OTUD5: variants seen among roughly 807,000 people sequenced by gnomAD.
OTUD5 encodes the protein OTU domain-containing protein 5.
A neutral mutation model predicts 36.3 loss-of-function variants in OTUD5; 2 were observed. The ratio of observed to expected loss-of-function variants is 0.06; its 90% CI spans 0.02 to 0.17. OTUD5 has a LOEUF of 0.17. OTUD5 is among the 10% of genes least tolerant of loss of function. OTUD5 has a pLI of 1.00. For missense variants in OTUD5, 233 were observed against 512.3 expected, an observed-to-expected ratio of 0.45 and a Z score of 5.26; for synonymous variants, 234 against 214.9, an observed-to-expected ratio of 1.09 and a Z score of -0.78.
intron 1 of OTUD5, among the ~76,000 whole-genome samples, chrX:48,946,887 C>CCTACTTATCCAT (rs782191732): frequency 8.9e-6 from 1 of 112,194 alleles, no homozygotes; most frequent in East Asian, 2.8e-4. Context: ...GAGAGGGGCT[C>CCTACTTATCCAT]CTACTTATCC....
At chrX:48,926,122 C>T (rs1602368292) in intron 5 of OTUD5, 72 bp from the exon 6 acceptor site, 2 of 849,341 alleles carry the variant, frequency 2.4e-6, no homozygotes, top group African/African-American at 2.0e-5. Flanking sequence ...ACAGGCTCAG[C>T]GAGGTAGGCC....
intron 1 of OTUD5, among the ~76,000 whole-genome samples, chrX:48,954,935 T>C (rs939368443): frequency 2.7e-5 from 3 of 111,288 alleles, no homozygotes; most frequent in Non-Finnish European, 5.7e-5. Flanking sequence ...GGATAAGGGG[T>C]TCATATGACC....
In OTUD5 at chrX:48,933,877, T is replaced by C. The variant is rs148572360; in HGVS notation, c.1059+587A>G. Among the ~76,000 whole-genome samples the C allele has an allele frequency of 4.3e-3, 476 of 111,081 alleles. 1 individual carries two copies. The highest frequency in any genetic ancestry group is 7.1e-3 in the Non-Finnish European group (378 of 52,995). ...TGTGTTTGTAGAAGTGAAACCTGAA[T>C]AGAAGATACCAAAATCCTCAGCAAA... is the stretch of plus-strand genomic sequence containing the variant. On this transcript the variant is annotated intron_variant, in intron 5 of 8. Coordinates refer to ENST00000376488, the MANE Select transcript of OTUD5 (RefSeq NM_001136157.2).
chrX:48,954,346 G>A (rs2064199259), intron 1 of OTUD5, among the ~76,000 whole-genome samples: 1 of 111,044 alleles, frequency 9.0e-6, no homozygotes, highest in South Asian at 3.8e-4. Context: ...TGGCAGCATA[G>A]GATGTTCTTT....
At chrX:48,936,568 T>C (rs1337595689) in intron 2 of OTUD5, among the ~76,000 whole-genome samples, 1 of 110,488 alleles carries the variant, frequency 9.1e-6, no homozygotes, top group Non-Finnish European at 1.9e-5. Flanking sequence ...TTAATACAGT[T>C]CCCCACTACC....
At chrX:48,936,564 C>T (rs1007647271) in intron 2 of OTUD5, among the ~76,000 whole-genome samples, 7 of 110,807 alleles carry the variant, frequency 6.3e-5, no homozygotes, top group African/African-American at 2.0e-4. Context: ...TTCTTTAATA[C>T]AGTTCCCCAC....
intron 2 of OTUD5, among the ~76,000 whole-genome samples, chrX:48,942,299 T>TACACACACACACACACACACACACAC (rs61325018): frequency 7.3e-5 from 4 of 55,018 alleles, no homozygotes; most frequent in Admixed American, 4.3e-4. Flanking sequence ...GCTAGCTAGA[T>TACACACACACACACACACACACACAC]ACACACACAC....
upstream of OTUD5, chrX:48,957,684 TA>T: frequency 1.3e-6 from 1 of 792,962 alleles, no homozygotes. Context: ...GAGACCCGGA[TA>T]AAGGGATCGC....
chrX:48,954,106 C>T (rs1557054538), intron 1 of OTUD5, among the ~76,000 whole-genome samples: 1 of 110,919 alleles, frequency 9.0e-6, no homozygotes, highest in Non-Finnish European at 1.9e-5. Context: ...TTCATGAACC[C>T]ACAAAACTTG....
At chrX:48,946,822 G>A (rs782355399) in intron 1 of OTUD5, among the ~76,000 whole-genome samples, 15 of 112,346 alleles carry the variant, frequency 1.3e-4, no homozygotes, top group African/African-American at 2.9e-4. Flanking sequence ...GGAACACAGC[G>A]ACTTCCTGGC....
chrX:48,930,756 C>T (rs1171652150), intron 5 of OTUD5, among the ~76,000 whole-genome samples: 3 of 110,557 alleles, frequency 2.7e-5, no homozygotes, highest in African/African-American at 6.6e-5. Flanking sequence ...GTCAGGAGTT[C>T]GAGACTTCAG....
In OTUD5 at chrX:48,933,310, CTTTAG is replaced by C. The variant is rs1186410024; in HGVS notation, c.1059+1149_1059+1153del. Among the ~76,000 whole-genome samples the C allele has an allele frequency of 5.4e-5, 6 of 110,967 alleles. No homozygotes were observed. In the East Asian group the frequency reaches 1.4e-3, roughly 26 times the overall value. ...TAAGGTAATCTGAGTCAAGTATGGTCTTTAGTTAATAATATGTCGATATTGGCTCA... is the reference window on the plus strand; with the variant it reads ...TAAGGTAATCTGAGTCAAGTATGGTCTTAATAATATGTCGATATTGGCTCA... On this transcript the variant is annotated intron_variant, in intron 5 of 8. Coordinates refer to ENST00000376488, the MANE Select transcript of OTUD5 (RefSeq NM_001136157.2).
intron 5 of OTUD5, among the ~76,000 whole-genome samples, chrX:48,928,153 C>A (rs2063695215): frequency 8.9e-6 from 1 of 112,350 alleles, no homozygotes; most frequent in Non-Finnish European, 1.9e-5. Flanking sequence ...ACAGGAACTT[C>A]CAAATCATTA....
chrX:48,951,411 G>A (rs371360859), intron 1 of OTUD5, among the ~76,000 whole-genome samples: 4 of 111,069 alleles, frequency 3.6e-5, no homozygotes, highest in Non-Finnish European at 7.6e-5. Context: ...TCAGGAGATC[G>A]AGATCATCCT....
intron 6 of OTUD5, among the ~76,000 whole-genome samples, chrX:48,924,630 G>T (rs1049091120): frequency 1.8e-5 from 2 of 111,422 alleles, no homozygotes; most frequent in African/African-American, 6.5e-5. Context: ...CCTCCCTCTG[G>T]GCTGTGCCTG....
chrX:48,941,424 C>T (rs2063918590), intron 2 of OTUD5, among the ~76,000 whole-genome samples: 1 of 62,613 alleles, frequency 1.6e-5, no homozygotes. Flanking sequence ...CAGAGGGAGA[C>T]TCCATCTCAA....
chrX:48,948,210 G>A (rs1176005365), intron 1 of OTUD5, among the ~76,000 whole-genome samples: 4 of 112,174 alleles, frequency 3.6e-5, no homozygotes, highest in East Asian at 2.8e-4. Context: ...TTAGCAGGGC[G>A]TGGTGGCGTG....
Position 48,957,307 on chromosome X carries a change from AC to A in OTUD5, c.263del (p.Gly88ValfsTer50). On this transcript the variant is annotated frameshift_variant, in exon 1 of 9. Transcript: ENST00000376488. LOFTEE classifies it high-confidence loss of function. ...GTTGTGGCCGGGGACCCGCCACTGC[AC>A]CAGGCGGCACGGCCAGCGCCCAGCG... ...LHRWALAVPP[G>X]AVAGPRPQQA... 8.8e-7 allele frequency: 1 copy of A among 1,130,510 alleles called. No individual in the cohort carries two copies. The allele number at this position is 1,130,510 out of a possible 1,213,427, so 93.2% of individuals were successfully genotyped here.
At position 48,922,649 on chromosome X, in the gene OTUD5, G is replaced by A. The variant is rs1231556428; in HGVS notation, c.*525C>T. On this transcript the variant is annotated 3_prime_UTR_variant, in exon 9 of 9. Coordinates refer to ENST00000376488, the MANE Select transcript of OTUD5 (RefSeq NM_001136157.2). ...GATTAGTTGATTTTATAAGATAAAA[G>A]TAATTTTAATAAAGAAAAAATTCAA... 2 of 752,408 alleles carry A rather than the reference G, an allele frequency of 2.7e-6. No individual in the cohort carries two copies. The highest frequency in any genetic ancestry group is 1.5e-4 in the East Asian group (1 of 6,649). The allele number at this position is 752,408 out of a possible 1,213,427, so 62.0% of individuals were successfully genotyped here. A position where few individuals can be genotyped will look rare whatever the true frequency, so the allele number is the denominator to read the frequency against.
Sources: allele counts gnomAD v4.1 joint callset (sites outside exome capture counted in the v4.1 genomes callset), GRCh38; gene constraint gnomAD v4.1.1; transcripts MANE v1.5; gene names NCBI Gene and HGNC (gene_info 2026-07-23, HGNC 2026-07-21).